SLC52A3: variants seen among roughly 807,000 people sequenced by gnomAD.
SLC52A3 encodes solute carrier family 52, riboflavin transporter, member 3.
A neutral mutation model predicts 29.5 loss-of-function variants in SLC52A3; 20 were observed. That is an observed-to-expected ratio of 0.68 (90% CI 0.48 to 0.99). The LOEUF (loss-of-function observed/expected upper bound fraction) is 0.99, where lower values mean the gene tolerates loss of function less well. Ranked by LOEUF, SLC52A3 falls within the 50% of genes least tolerant of loss-of-function variation. The pLI is 0.00. For missense variants in SLC52A3, 548 were observed against 612.9 expected (o/e 0.89, Z 1.12); for synonymous variants, 301 against 271.0 (o/e 1.11, Z -1.09).
upstream of SLC52A3, among the ~76,000 whole-genome samples, chr20:776,411 T>A (rs1987030884): frequency 6.6e-6 from 1 of 152,234 alleles, no homozygotes; most frequent in Non-Finnish European, 1.5e-5. Context: ...TGCACTGAGC[T>A]GACTCAGTGT....
At chr20:762,799 T>G (rs911990368) in intron 3 of SLC52A3, among the ~76,000 whole-genome samples, 2 of 152,140 alleles carry the variant, frequency 1.3e-5, no homozygotes, top group African/African-American at 2.4e-5. Flanking sequence ...AGAGTGGGTG[T>G]AAGCAGGCCA....
chr20:769,171 C>A (rs1238060038), upstream of SLC52A3, among the ~76,000 whole-genome samples: 1 of 152,248 alleles, frequency 6.6e-6, no homozygotes, highest in Admixed American at 6.5e-5. Flanking sequence ...TGCCAGACAG[C>A]AGATATATTA....
chr20:773,688 G>T (rs1250533337), intron 1 of SLC52A3, among the ~76,000 whole-genome samples: 1 of 152,200 alleles, frequency 6.6e-6, no homozygotes, highest in East Asian at 1.9e-4. Context: ...AGAAACCTAA[G>T]GCTTCGCATG....
chr20:776,458 T>C (rs1462361973), upstream of SLC52A3, among the ~76,000 whole-genome samples: 1 of 152,194 alleles, frequency 6.6e-6, no homozygotes, highest in Non-Finnish European at 1.5e-5. Context: ...AATTAATGCA[T>C]TTAATCTTCA....
At chr20:773,892 C>T (rs1268176496) in intron 1 of SLC52A3, among the ~76,000 whole-genome samples, 1 of 152,216 alleles carries the variant, frequency 6.6e-6, no homozygotes, top group Non-Finnish European at 1.5e-5. Context: ...GCCATCTCCT[C>T]CAGGGAGCTC....
At position 765,677 on chromosome 20, in the gene SLC52A3, T is replaced by A; in HGVS notation, c.98A>T (p.Glu33Val). 1 of 1,613,056 alleles carries A rather than the reference T, an allele frequency of 6.2e-7. No individual in the cohort carries two copies. The part of the protein sequence containing the change: ...LWVELPLLVM[E>V]LPEGWYLPSY... ...GGGCAGGTACCAGCCCTCGGGCAGC[T>A]CCATCACCAGCAGGGGCAGCTCTAC... Residue 33 changes from glutamate to valine, a missense_variant, in exon 2 of 5, where the codon GAG becomes GTG. Glu to Val is a moderately radical substitution (Grantham distance 121). Around this residue, in one of 2 missense-constraint regions of SLC52A3, gnomAD observed 375 missense variants for 471.1 expected, o/e 0.80. Transcript: ENST00000645534. This position sits in a 1 kb window ranked among gnomAD's most constrained non-coding sequence, Gnocchi z 6.6.
chr20:762,128 T>C (rs1986512213), intron 3 of SLC52A3, among the ~76,000 whole-genome samples: 1 of 152,158 alleles, frequency 6.6e-6, no homozygotes, highest in African/African-American at 2.4e-5. Flanking sequence ...CCTCTGAGCC[T>C]CCAAATCGGA....
At position 763,512 on chromosome 20, in the gene SLC52A3, C is replaced by G; in HGVS notation, c.1059G>C (p.Met353Ile). Reference sequence around the variant, plus strand: ...TGAGGGCACACCTGTTAGGCAGGAACATGGAGACCAACGAGGCAAGAGGGT... The same window carrying G: ...TGAGGGCACACCTGTTAGGCAGGAAGATGGAGACCAACGAGGCAAGAGGGT... Reference protein sequence around the residue: ...VANPLASLVSMFLPNRSLLFL... With the variant: ...VANPLASLVSIFLPNRSLLFL... The change falls in exon 3 of 5, where the codon ATG (methionine) becomes ATC (isoleucine). Residue 353 changes from methionine to isoleucine, a missense_variant. Physicochemically the swap from Met to Ile is conservative, Grantham distance 10. Around this residue, in one of 2 missense-constraint regions of SLC52A3, gnomAD observed 375 missense variants for 471.1 expected, o/e 0.80. Coordinates refer to ENST00000645534, the MANE Select transcript of SLC52A3 (RefSeq NM_033409.4). 6.2e-7 allele frequency: 1 copy of G among 1,614,082 alleles called. No individual in the cohort carries two copies. Among genetic ancestry groups the G allele is most frequent in the Non-Finnish European group, 8.5e-7 (1 of 1,179,970 alleles).
chr20:768,913 A>G (rs964819078), upstream of SLC52A3, among the ~76,000 whole-genome samples: 5 of 152,180 alleles, frequency 3.3e-5, no homozygotes, highest in Admixed American at 1.3e-4. Flanking sequence ...TCTGCTGTCC[A>G]CATCCAAGCT....
rs761642433 is a variant in SLC52A3 at position 765,484 on chromosome 20, G to C, written c.291C>G (p.Ser97=). The change falls in exon 2 of 5, where the codon TCC becomes TCG. Residue 97 remains serine, a synonymous_variant. Coordinates refer to ENST00000645534, the MANE Select transcript of SLC52A3 (RefSeq NM_033409.4). The surrounding 1 kb of genome is among the most constrained non-coding windows in gnomAD (Gnocchi z 6.6). Reference sequence around the variant, plus strand: ...TGCTGTGGTGGCCGTCCAGCACCCAGGAGGTCATATTCCAGAGGAAGGCAA... The same window carrying C: ...TGCTGTGGTGGCCGTCCAGCACCCACGAGGTCATATTCCAGAGGAAGGCAA... The part of the protein sequence containing the change: ...IIFAFLWNMT[S]WVLDGHHSIA... 2 of 1,596,778 alleles carry C rather than the reference G, an allele frequency of 1.3e-6. No individual in the cohort carries two copies. Among genetic ancestry groups the C allele is most frequent in the Admixed American group, 3.6e-5 (2 of 56,176 alleles).
At chr20:768,976 C>T (rs1986771725), upstream of SLC52A3, among the ~76,000 whole-genome samples, 1 of 152,246 alleles carries the variant, frequency 6.6e-6, no homozygotes, top group Non-Finnish European at 1.5e-5. Flanking sequence ...CCTTCTCAGG[C>T]GTCCTCACCA....
chr20:761,275 GGCTT>G, intron 4 of SLC52A3, 37 bp from the exon 5 acceptor site: 1 of 1,522,108 alleles, frequency 6.6e-7, no homozygotes, highest in Non-Finnish European at 8.8e-7. Flanking sequence ...AGAGTCACGG[GGCTT>G]GCGGGGCGAG....
At chr20:776,857 G>C (rs1345462603), upstream of SLC52A3, among the ~76,000 whole-genome samples, 3 of 63,638 alleles carry the variant, frequency 4.7e-5, no homozygotes, top group African/African-American at 1.1e-4. Context: ...AATCGCTTTT[G>C]GGGGGGGGGC....
At chr20:778,742 T>TC (rs893132136), upstream of SLC52A3, among the ~76,000 whole-genome samples, 1 of 151,824 alleles carries the variant, frequency 6.6e-6, no homozygotes, top group African/African-American at 2.4e-5. Context: ...TTTTTTTTTT[T>TC]TTGAGACGGA....
At position 761,176 on chromosome 20, in the gene SLC52A3, G is replaced by A. The variant is rs1412121788; in HGVS notation, c.1260C>T (p.Val420=). 6.4e-7 allele frequency: 1 copy of A among 1,573,192 alleles called. No homozygotes were observed. Among genetic ancestry groups the A allele is most frequent in the East Asian group, 2.4e-5 (1 of 42,364 alleles). ...GGGCGCTGCGGCTGAGGTCGCGCAG[G>A]ACCACGCCCAGCATCACCTTGACGT... is the stretch of plus-strand genomic sequence containing the variant. The part of the protein sequence containing the change: ...LSYVKVMLGV[V]LRDLSRSALL... Residue 420 remains valine, a synonymous_variant, in exon 5 of 5, where the codon GTC becomes GTT. Transcript: ENST00000645534.
chr20:772,263 C>T (rs916291756), upstream of SLC52A3, among the ~76,000 whole-genome samples: 4 of 152,212 alleles, frequency 2.6e-5, no homozygotes, highest in Admixed American at 1.3e-4. Flanking sequence ...GGTGCTACCA[C>T]GGCTGTGTCA....
Position 765,343 on chromosome 20 carries a change from A to G in SLC52A3, c.432T>C (p.Gly144=), listed in dbSNP as rs1195321579. ...PTYYLTTFFV[G]EGLSGLLPAL... is the part of the protein sequence containing the mutation. ...CGGGCAAGAGGCCGCTGAGTCCTTCACCCACAAAGAAGGTGGTGAGGTAGT... is the reference window on the plus strand; with the variant it reads ...CGGGCAAGAGGCCGCTGAGTCCTTCGCCCACAAAGAAGGTGGTGAGGTAGT... The change falls in exon 2 of 5, where the codon GGT becomes GGC. Residue 144 remains glycine (G), a synonymous_variant. Transcript: ENST00000645534. The surrounding 1 kb of genome is among the most constrained non-coding windows in gnomAD (Gnocchi z 6.6). The G allele has an allele frequency of 3.1e-6, 5 of 1,613,946 alleles. No individual in the cohort carries two copies. The highest frequency in any genetic ancestry group is 4.2e-6 in the Non-Finnish European group (5 of 1,180,012).
At chr20:778,541 A>G (rs1441900838), upstream of SLC52A3, among the ~76,000 whole-genome samples, 1 of 152,082 alleles carries the variant, frequency 6.6e-6, no homozygotes, top group East Asian at 1.9e-4. Context: ...TTTCATGTCA[A>G]TTTAATTCAT....
upstream of SLC52A3, among the ~76,000 whole-genome samples, chr20:769,489 G>C (rs1599963162): frequency 1.3e-5 from 2 of 152,336 alleles, no homozygotes; most frequent in East Asian, 3.9e-4. Context: ...CATCAGAACT[G>C]TTGCTAGGAA....
Sources: allele counts gnomAD v4.1 joint callset (sites outside exome capture counted in the v4.1 genomes callset), GRCh38; gene constraint gnomAD v4.1.1; regional missense constraint gnomAD v4.1.1; non-coding constraint Gnocchi (gnomAD v3.1); transcripts MANE v1.5; gene names NCBI Gene and HGNC (gene_info 2026-07-23, HGNC 2026-07-21).